Variants in GPM6A observed in about 807,000 individuals in gnomAD.
GPM6A encodes glycoprotein M6A.
Under a neutral mutation model 32.1 loss-of-function variants are expected in GPM6A, and 7 were observed. That is an observed-to-expected ratio of 0.22 (90% confidence interval 0.12 to 0.41). GPM6A has a LOEUF of 0.41. Among genes scored for constraint, GPM6A ranks in the 10% least tolerant of loss-of-function variants. The probability of loss-of-function intolerance (pLI) is 1.00; values close to 1 mark genes in which losing one functional copy is unlikely to be tolerated. For synonymous variants in GPM6A, 130 were observed against 123.4 expected, an observed-to-expected ratio of 1.05 and a Z score of -0.35; for missense variants, 235 against 347.2, an observed-to-expected ratio of 0.68 and a Z score of 2.57.
At chr4:175,861,612 C>T (rs1405091510) in intron 1 of GPM6A, among the ~76,000 whole-genome samples, 2 of 151,548 alleles carry the variant, frequency 1.3e-5, no homozygotes, top group Non-Finnish European at 2.9e-5. Flanking sequence ...ATTAACTGTA[C>T]GTGGTGGCCC....
rs1439986135 is a variant in GPM6A at position 175,866,690 on chromosome 4, C to A, written c.-22-54441G>T. Among the ~76,000 whole-genome samples the A allele has an allele frequency of 2.0e-5, 3 of 152,252 alleles. No individual in the cohort carries two copies. In the East Asian group the frequency reaches 5.8e-4, roughly 29 times the overall value. ...TACTAAGGAACATCTTGGTTGCTTT[C>A]AAATTTTGGAAATTAAGGATAAAGC... On this transcript the variant is annotated intron_variant, in intron 1 of 7. Coordinates refer to the GPM6A transcript ENST00000280187.
chr4:175,829,749 G>GAT (rs1010221166), intron 1 of GPM6A, among the ~76,000 whole-genome samples: 2 of 145,096 alleles, frequency 1.4e-5, no homozygotes, highest in South Asian at 2.2e-4. Context: ...TATATATATA[G>GAT]ATATATATAT....
At chr4:175,790,152 G>A (rs1362090678) in intron 1 of GPM6A, among the ~76,000 whole-genome samples, 3 of 151,624 alleles carry the variant, frequency 2.0e-5, no homozygotes, top group East Asian at 3.9e-4. Flanking sequence ...GCAATTCTTA[G>A]AAATTTCTGC....
At chr4:175,922,940 G>T (rs962134832) in intron 1 of GPM6A, among the ~76,000 whole-genome samples, 1 of 151,954 alleles carries the variant, frequency 6.6e-6, no homozygotes, top group East Asian at 1.9e-4. Flanking sequence ...ACACATCATT[G>T]CCCACTACAA....
Position 175,983,930 on chromosome 4 carries a change from T to C in GPM6A, c.-23+18379A>G, listed in dbSNP as rs74287690. On this transcript the variant is annotated intron_variant, in intron 1 of 7. Transcript: ENST00000280187. ...TTTTCTTTGTTGCAAGCTTTACAAC[T>C]ATTAACTCAGTTTATTTAATGCATA... is the stretch of plus-strand genomic sequence containing the variant. 1.2e-4 allele frequency among the ~76,000 whole-genome samples: 19 copies of C among 152,176 alleles called. No individual in the cohort carries two copies. In the East Asian group the frequency reaches 3.5e-3, roughly 28 times the overall value.
intron 1 of GPM6A, among the ~76,000 whole-genome samples, chr4:175,728,102 C>CAACT: frequency 6.6e-6 from 1 of 151,366 alleles, no homozygotes; most frequent in East Asian, 1.9e-4. Flanking sequence ...AACAATGGAG[C>CAACT]AACTGTACAC....
intron 1 of GPM6A, among the ~76,000 whole-genome samples, chr4:175,707,520 T>C (rs1445942551): frequency 6.6e-6 from 1 of 152,210 alleles, no homozygotes; most frequent in Non-Finnish European, 1.5e-5. Flanking sequence ...TAGATATTAA[T>C]TTTTTATCCA....
chr4:175,976,252 T>C (rs1457358203), intron 1 of GPM6A, among the ~76,000 whole-genome samples: 2 of 148,478 alleles, frequency 1.3e-5, no homozygotes, highest in South Asian at 2.2e-4. Context: ...AAGCTCCGCC[T>C]CCCAAGTTCA....
intron 3 of GPM6A, among the ~76,000 whole-genome samples, chr4:175,671,954 G>T (rs1035031236): frequency 1.3e-5 from 2 of 149,994 alleles, no homozygotes; most frequent in East Asian, 3.9e-4. Flanking sequence ...TCTGTTGGGT[G>T]GGACTGGTGA....
At chr4:175,872,904 T>C (rs1845726) in intron 1 of GPM6A, among the ~76,000 whole-genome samples, 51,737 of 151,986 alleles carry the variant, frequency 0.34, 8,784 homozygotes, top group African/African-American at 0.37. Context: ...TAAACTATAC[T>C]CTCTGGGTTT....
chr4:175,869,627 C>T (rs999609710), intron 1 of GPM6A, among the ~76,000 whole-genome samples: 17 of 152,040 alleles, frequency 1.1e-4, no homozygotes, highest in South Asian at 6.2e-4. Context: ...CATGGTGGTG[C>T]GCACCTGTAG....
intron 1 of GPM6A, among the ~76,000 whole-genome samples, chr4:175,774,702 G>T (rs1053148640): frequency 1.1e-4 from 17 of 151,974 alleles, no homozygotes; most frequent in African/African-American, 4.1e-4. Context: ...ACAGAGCAAA[G>T]AATACATGTT....
intron 1 of GPM6A, among the ~76,000 whole-genome samples, chr4:175,792,841 A>G (rs1355663621): frequency 1.3e-5 from 2 of 152,186 alleles, no homozygotes; most frequent in African/African-American, 4.8e-5. Flanking sequence ...TTATATTAAG[A>G]AACCTTTCAA....
At chr4:175,820,500 C>CTTTTTTTTTTTTTTTTTT (rs66569311) in intron 1 of GPM6A, among the ~76,000 whole-genome samples, 24 of 112,116 alleles carry the variant, frequency 2.1e-4, no homozygotes, top group South Asian at 5.8e-4. Context: ...TCTTTTCTTT[C>CTTTTTTTTTTTTTTTTTT]TTTTTTTTTT....
chr4:175,817,155 G>A (rs1735132178), upstream of GPM6A, among the ~76,000 whole-genome samples: 1 of 152,158 alleles, frequency 6.6e-6, no homozygotes, highest in Admixed American at 6.5e-5. Flanking sequence ...ACCGCCCCGC[G>A]GCCAACATTT....
chr4:175,689,069 C>T (rs1280534363), intron 2 of GPM6A, among the ~76,000 whole-genome samples: 4 of 152,112 alleles, frequency 2.6e-5, no homozygotes, highest in African/African-American at 4.8e-5. Flanking sequence ...ACTGGGATTA[C>T]AGTCATGAGC....
intron 1 of GPM6A, among the ~76,000 whole-genome samples, chr4:175,894,424 T>A (rs919813140): frequency 6.6e-6 from 1 of 152,020 alleles, no homozygotes; most frequent in Non-Finnish European, 1.5e-5. Flanking sequence ...AGTCACAAAA[T>A]ATAAAAGACT....
intron 1 of GPM6A, among the ~76,000 whole-genome samples, chr4:176,001,584 C>A (rs1368865119): frequency 6.6e-6 from 1 of 152,162 alleles, no homozygotes; most frequent in African/African-American, 2.4e-5. Flanking sequence ...ATAAGCGGAC[C>A]CTGCCTGGAA....
intron 1 of GPM6A, among the ~76,000 whole-genome samples, chr4:175,872,432 C>A (rs562511405): frequency 2.0e-5 from 3 of 152,316 alleles, no homozygotes; most frequent in East Asian, 3.9e-4. Context: ...ACCCAGGACA[C>A]ACTAAAATAT....
Sources: gnomAD v4.1 joint callset for allele counts (sites outside exome capture counted in the v4.1 genomes callset) on GRCh38, gnomAD v4.1.1 for gene constraint, MANE v1.5 for transcripts, NCBI Gene and HGNC (gene_info 2026-07-23, HGNC 2026-07-21) for gene names.